Variants in GAS7 observed in about 807,000 individuals in gnomAD.
GAS7 encodes the protein growth arrest-specific protein 7.
Under a neutral mutation model 71.1 loss-of-function variants are expected in GAS7, and 28 were observed. The ratio of observed to expected loss-of-function variants is 0.39; its 90% CI spans 0.29 to 0.54. The LOEUF is 0.54. Among genes scored for constraint, GAS7 ranks in the 20% least tolerant of loss-of-function variants. GAS7 has a pLI of 0.62. For missense variants in GAS7, 436 were observed against 627.8 expected (o/e 0.69, Z 3.27); for synonymous variants, 258 against 245.8 (o/e 1.05, Z -0.46).
chr17:10,150,591 C>CTTTTTTTTTTTTTTTTTTTTTTTTT (rs3051271), intron 1 of GAS7, among the ~76,000 whole-genome samples: 1 of 118,956 alleles, frequency 8.4e-6, no homozygotes, highest in Admixed American at 9.7e-5. Flanking sequence ...TGTTACATTT[C>CTTTTTTTTTTTTTTTTTTTTTTTTT]TTTTTTTTTT....
In GAS7 at chr17:10,107,877, C is replaced by A. The variant is rs547750169; in HGVS notation, c.184-87980G>T. Among the ~76,000 whole-genome samples the A allele has an allele frequency of 2.0e-5, 3 of 149,750 alleles. No homozygotes were observed. The East Asian group carries it at 6.1e-4, about 30-fold the overall frequency. On this transcript the variant is annotated intron_variant, in intron 1 of 13. Transcript: ENST00000432992. The stretch of plus-strand genomic sequence containing the variant: ...ACCTTACACACAGTCCAGTAGGGGA[C>A]TGGGCAGGGGAACTGCCTTACACAG...
At chr17:10,178,646 G>C (rs1319565832) in intron 1 of GAS7, among the ~76,000 whole-genome samples, 1 of 144,140 alleles carries the variant, frequency 6.9e-6, no homozygotes, top group Non-Finnish European at 1.5e-5. Context: ...TAGAGGGACA[G>C]GCAAATCTTT....
In GAS7 at chr17:10,046,785, AAAGGAAGGAAGGAAGGAAGGAAGGAAGG is replaced by A. The variant is rs57271954; in HGVS notation, c.184-26916_184-26889del. Among the ~76,000 whole-genome samples, 19 of 68,806 alleles carry A rather than the reference AAAGGAAGGAAGGAAGGAAGGAAGGAAGG, an allele frequency of 2.8e-4. 1 individual carries two copies. Among genetic ancestry groups the A allele is most frequent in the Admixed American group, 7.4e-4 (5 of 6,784 alleles). 45.1% of individuals were successfully genotyped at this position (68,806 alleles called of 152,430 possible). A position where few individuals can be genotyped will look rare whatever the true frequency, so the allele number is the denominator to read the frequency against. ...AAAGAAAGAAGAGAAAGAAAGAAAG[AAAGGAAGGAAGGAAGGAAGGAAGGAAGG>A]AAGGAAGGAAGGAAGGAAGGAAGGA... is the stretch of plus-strand genomic sequence containing the variant. On this transcript the variant is annotated intron_variant, in intron 1 of 13. Transcript: ENST00000432992.
chr17:10,076,210 G>A, intron 1 of GAS7, among the ~76,000 whole-genome samples: 1 of 25,966 alleles, frequency 3.9e-5, no homozygotes, highest in African/African-American at 1.7e-4. Context: ...GGAGAAGTGG[G>A]AGGGGGAGGG....
At chr17:10,005,229 GTGTA>G (rs2071467516) in intron 2 of GAS7, among the ~76,000 whole-genome samples, 1 of 111,304 alleles carries the variant, frequency 9.0e-6, no homozygotes, top group South Asian at 2.8e-4. Flanking sequence ...GTGCATGTAT[GTGTA>G]TGTGCGCGCA....
intron 1 of GAS7, among the ~76,000 whole-genome samples, chr17:10,154,651 G>C (rs575546812): frequency 1.3e-5 from 2 of 152,098 alleles, no homozygotes; most frequent in African/African-American, 4.8e-5. Context: ...CCGCCCAACC[G>C]CCCATCTCTA....
chr17:10,190,104 C>A (rs952734081), intron 1 of GAS7, among the ~76,000 whole-genome samples: 6 of 152,174 alleles, frequency 3.9e-5, no homozygotes, highest in Non-Finnish European at 5.9e-5. Flanking sequence ...ACTACAGCAG[C>A]AGAGTGGATT....
chr17:10,197,142 C>G (rs541949281), intron 1 of GAS7, among the ~76,000 whole-genome samples: 9 of 152,222 alleles, frequency 5.9e-5, no homozygotes, highest in Non-Finnish European at 1.3e-4. Context: ...CGGACTCACC[C>G]TGTAACCATT....
At chr17:10,125,066 G>C (rs992058885) in intron 1 of GAS7, among the ~76,000 whole-genome samples, 11 of 104,950 alleles carry the variant, frequency 1.0e-4, no homozygotes, top group African/African-American at 3.8e-4. Flanking sequence ...TTTAATAGCA[G>C]TAAAAAAAAA....
At chr17:9,928,322 C>T (rs540440971) in intron 9 of GAS7, among the ~76,000 whole-genome samples, 1 of 150,536 alleles carries the variant, frequency 6.6e-6, no homozygotes, top group Non-Finnish European at 1.5e-5. Flanking sequence ...TGGGGTTTCA[C>T]CGTGTTAGTC....
intron 1 of GAS7, among the ~76,000 whole-genome samples, chr17:10,060,943 T>G (rs1352655807): frequency 1.3e-5 from 2 of 152,078 alleles, no homozygotes; most frequent in Non-Finnish European, 2.9e-5. Flanking sequence ...GCTGAGTGAG[T>G]GCATTAGCTC....
chr17:9,947,841 A>G (rs1390948560), intron 5 of GAS7, among the ~76,000 whole-genome samples: 1 of 151,882 alleles, frequency 6.6e-6, no homozygotes, highest in African/African-American at 2.4e-5. Context: ...AACAAAAAAA[A>G]AAAAAAAGCA....
At chr17:10,041,273 T>TA (rs1392894701) in intron 1 of GAS7, among the ~76,000 whole-genome samples, 1 of 152,192 alleles carries the variant, frequency 6.6e-6, no homozygotes, top group African/African-American at 2.4e-5. Flanking sequence ...CCATGAAAGC[T>TA]TTCATAGCCT....
intron 1 of GAS7, among the ~76,000 whole-genome samples, chr17:10,197,251 A>C (rs534263871): frequency 1.3e-5 from 2 of 152,324 alleles, no homozygotes; most frequent in East Asian, 3.9e-4. Flanking sequence ...AGAGTTAAAT[A>C]ATAAATAAAT....
chr17:10,029,022 C>T (rs538870261), intron 1 of GAS7, among the ~76,000 whole-genome samples: 8 of 152,180 alleles, frequency 5.3e-5, no homozygotes, highest in Non-Finnish European at 1.0e-4. Flanking sequence ...CTGGGCCACA[C>T]GGGACGTCCT....
At chr17:10,142,515 C>T (rs1765361341) in intron 1 of GAS7, among the ~76,000 whole-genome samples, 1 of 152,032 alleles carries the variant, frequency 6.6e-6, no homozygotes. Flanking sequence ...ACTACAGGAG[C>T]GCACCACCAC....
chr17:10,143,106 C>T (rs971399620), intron 1 of GAS7, among the ~76,000 whole-genome samples: 3 of 152,016 alleles, frequency 2.0e-5, no homozygotes, highest in Non-Finnish European at 2.9e-5. Context: ...CGCTTGAACC[C>T]GGGACTCGGA....
At chr17:9,976,662 A>T (rs17747162) in intron 3 of GAS7, among the ~76,000 whole-genome samples, 1 of 151,982 alleles carries the variant, frequency 6.6e-6, no homozygotes, top group African/African-American at 2.4e-5. Context: ...CCTTTAATCT[A>T]GGTTCCCTGA....
chr17:9,995,886 G>A (rs11867988), intron 2 of GAS7, among the ~76,000 whole-genome samples: 3,416 of 152,304 alleles, frequency 0.022, 125 homozygotes, highest in African/African-American at 0.078. Flanking sequence ...GTATCGACAG[G>A]GTGGCATCCT....
Sources: gnomAD v4.1 joint callset for allele counts (sites outside exome capture counted in the v4.1 genomes callset) on GRCh38, gnomAD v4.1.1 for gene constraint, MANE v1.5 for transcripts, NCBI Gene and HGNC (gene_info 2026-07-23, HGNC 2026-07-21) for gene names.